The following ATF6 variants were observed in gnomAD, a reference collection of about 807,000 sequenced individuals.
ATF6 encodes the protein cyclic AMP-dependent transcription factor ATF-6 alpha.
A neutral mutation model predicts 83.6 loss-of-function variants in ATF6; 53 were observed. That is an observed-to-expected ratio of 0.63 (90% CI 0.51 to 0.80). ATF6 has a LOEUF of 0.80. Ranked by LOEUF, ATF6 falls within the 30% of genes least tolerant of loss-of-function variation. The pLI, the probability that ATF6 is intolerant of heterozygous loss-of-function variation, is 0.00. For synonymous variants in ATF6, 288 were observed against 285.8 expected (o/e 1.01, Z -0.08); for missense variants, 744 against 797.9 (o/e 0.93, Z 0.81).
chr1:161,790,141 G>A (rs1055089302), intron 4 of ATF6, among the ~76,000 whole-genome samples: 1 of 151,684 alleles, frequency 6.6e-6, no homozygotes, highest in Admixed American at 6.6e-5. Context: ...TTTTAACTTT[G>A]TTTATGGTCT....
rs370780754 is a variant in ATF6, at chr1:161,781,861, A to G, written c.160-51A>G. On this transcript the variant is annotated intron_variant, in intron 2 of 15. Coordinates refer to ENST00000367942, the MANE Select transcript of ATF6 (RefSeq NM_007348.4). Reference sequence around the variant, plus strand: ...TTGTGTCTCACAGTTTGATTTTAAGATGTGTATGTTTTATTCTTTTAATAT... The same window carrying G: ...TTGTGTCTCACAGTTTGATTTTAAGGTGTGTATGTTTTATTCTTTTAATAT... The G allele has an allele frequency of 3.1e-5, 38 of 1,220,322 alleles. No individual in the cohort carries two copies. In the African/African-American group the frequency reaches 5.1e-4, roughly 16 times the overall value. The allele number at this position is 1,220,322 out of a possible 1,614,324, so 75.6% of individuals were successfully genotyped here.
chr1:161,918,868 C>T (rs1022777394), intron 15 of ATF6, among the ~76,000 whole-genome samples: 2 of 152,102 alleles, frequency 1.3e-5, no homozygotes, highest in African/African-American at 4.8e-5. Flanking sequence ...ATGTAATATG[C>T]TGGATGGGGA....
At chr1:161,841,724 A>T (rs118084287) in intron 9 of ATF6, among the ~76,000 whole-genome samples, 1 of 152,154 alleles carries the variant, frequency 6.6e-6, no homozygotes, top group Non-Finnish European at 1.5e-5. Flanking sequence ...AAAAAAGGCT[A>T]AAAGTTACTG....
At chr1:161,772,963 GTTT>G (rs34459711) in intron 1 of ATF6, among the ~76,000 whole-genome samples, 2 of 73,522 alleles carry the variant, frequency 2.7e-5, no homozygotes, top group Non-Finnish European at 2.6e-5. Context: ...TGAAACTCCT[GTTT>G]TTTTTTTTTT....
chr1:161,863,860 T>C (rs956006336), intron 14 of ATF6, among the ~76,000 whole-genome samples: 1 of 152,238 alleles, frequency 6.6e-6, no homozygotes, highest in Non-Finnish European at 1.5e-5. Context: ...AGTAAATGTT[T>C]ATACTAGCAC....
rs761462420 is a variant in ATF6, at chr1:161,807,865, C to CTTTTTTTTTTTTTTTTTTTT, written c.909+5606_909+5625dup. Among the ~76,000 whole-genome samples the CTTTTTTTTTTTTTTTTTTTT allele has an allele frequency of 4.6e-4, 15 of 32,342 alleles. 2 individuals carry two copies. The highest frequency in any genetic ancestry group is 1.2e-3 in the East Asian group (1 of 852). 21.2% of individuals were successfully genotyped at this position (32,342 alleles called of 152,430 possible). Reference sequence around the variant, plus strand: ...CTTTTTGTACTTTTTAGTTTGTCATCTTTTTTTTTTTTTTTTTTTTTTTTT... The same window carrying CTTTTTTTTTTTTTTTTTTTT: ...CTTTTTGTACTTTTTAGTTTGTCATCTTTTTTTTTTTTTTTTTTTTTTTTTTTTTTTTTTTTTTTTTTTTT... On this transcript the variant is annotated intron_variant, in intron 7 of 15. Coordinates refer to ENST00000367942, the MANE Select transcript of ATF6 (RefSeq NM_007348.4).
At chr1:161,775,016 T>C (rs1181365958) in intron 1 of ATF6, among the ~76,000 whole-genome samples, 6 of 152,092 alleles carry the variant, frequency 3.9e-5, no homozygotes, top group Non-Finnish European at 8.8e-5. Flanking sequence ...GCAGGGAAAG[T>C]GCAAAATAAG....
chr1:161,929,150 T>C (rs577009433), intron 15 of ATF6, among the ~76,000 whole-genome samples: 20 of 152,216 alleles, frequency 1.3e-4, no homozygotes, highest in Non-Finnish European at 2.8e-4. Context: ...AGAACATTTG[T>C]TAGCTACTTT....
chr1:161,824,457 C>G (rs1476637203), intron 9 of ATF6, among the ~76,000 whole-genome samples: 1 of 151,240 alleles, frequency 6.6e-6, no homozygotes, highest in African/African-American at 2.4e-5. Flanking sequence ...AAATGTCTAT[C>G]CCAGCTCCTG....
At chr1:161,771,039 T>C (rs1342968979) in intron 1 of ATF6, among the ~76,000 whole-genome samples, 1 of 152,212 alleles carries the variant, frequency 6.6e-6, no homozygotes, top group Non-Finnish European at 1.5e-5. Flanking sequence ...AATAGGTGTG[T>C]AGTGGTATGT....
In ATF6 at chr1:161,863,250, CA is replaced by C; in HGVS notation, c.1659del (p.Asp554ThrfsTer45). 1.2e-6 allele frequency: 2 copies of C among 1,613,296 alleles called. No homozygotes were observed. The highest frequency in any genetic ancestry group is 1.7e-6 in the Non-Finnish European group (2 of 1,179,420). On this transcript the variant is annotated frameshift_variant, in exon 14 of 16. Transcript: ENST00000367942. LOFTEE classifies it high-confidence loss of function. ...GTATTATGCTTCACCCAGAAGTTATCAAGACTTTTTTGAAGCCATCCGCAGA... is the reference window on the plus strand; with the variant it reads ...GTATTATGCTTCACCCAGAAGTTATCAGACTTTTTTGAAGCCATCCGCAGA... Reference protein sequence around the residue: ...QVYYASPRSYQDFFEAIRRRG... With the variant: ...QVYYASPRSYXDFFEAIRRRG...
intron 9 of ATF6, among the ~76,000 whole-genome samples, chr1:161,826,903 T>C (rs1322095311): frequency 6.6e-6 from 1 of 151,420 alleles, no homozygotes; most frequent in African/African-American, 2.4e-5. Context: ...TCATTTGTGT[T>C]ATTCAAAAGA....
At chr1:161,850,490 T>C (rs1686594838) in intron 10 of ATF6, among the ~76,000 whole-genome samples, 1 of 152,174 alleles carries the variant, frequency 6.6e-6, no homozygotes, top group Non-Finnish European at 1.5e-5. Flanking sequence ...TACCATTGCT[T>C]TTCCATTTCA....
chr1:161,831,236 C>T (rs1181701391), intron 9 of ATF6, among the ~76,000 whole-genome samples: 1 of 152,184 alleles, frequency 6.6e-6, no homozygotes, highest in Non-Finnish European at 1.5e-5. Flanking sequence ...AAATCAAAAC[C>T]ACAATGAGAT....
In ATF6 at chr1:161,797,779, A is replaced by G. The variant is rs778524232; in HGVS notation, c.689-4273A>G. Among the ~76,000 whole-genome samples, 14 of 152,220 alleles carry G rather than the reference A, an allele frequency of 9.2e-5. 1 individual carries two copies. Among genetic ancestry groups the G allele is most frequent in the Non-Finnish European group, 1.9e-4 (13 of 68,038 alleles). ...TTACAGATTTAATGCTATTCCTATC[A>G]AACTATCAATGACATTTTTCACACA... On this transcript the variant is annotated intron_variant, in intron 6 of 15. Transcript: ENST00000367942.
intron 2 of ATF6, 107 bp from the exon 3 acceptor site, chr1:161,781,805 G>T: frequency 1.5e-6 from 1 of 646,060 alleles, no homozygotes; most frequent in Non-Finnish European, 2.7e-6. Context: ...TTACTAGGTT[G>T]GCTAATAGCA....
At chr1:161,863,171 T>C in intron 13 of ATF6, 27 bp from the exon 14 acceptor site, 1 of 1,357,814 alleles carries the variant, frequency 7.4e-7, no homozygotes, top group Non-Finnish European at 1.0e-6. Context: ...TTTATTTTAG[T>C]AATACCTTAT....
chr1:161,937,146 C>T (rs953066187), intron 15 of ATF6, among the ~76,000 whole-genome samples: 2 of 151,876 alleles, frequency 1.3e-5, no homozygotes, highest in African/African-American at 4.8e-5. Flanking sequence ...CTAGAATGAA[C>T]CTGTTAAGAC....
At chr1:161,932,218 C>G (rs1221312707) in intron 15 of ATF6, among the ~76,000 whole-genome samples, 1 of 151,948 alleles carries the variant, frequency 6.6e-6, no homozygotes, top group East Asian at 1.9e-4. Flanking sequence ...TTTTTTTGAC[C>G]AACTTTCACA....
Sources: allele counts gnomAD v4.1 joint callset (sites outside exome capture counted in the v4.1 genomes callset), GRCh38; gene constraint gnomAD v4.1.1; transcripts MANE v1.5; gene names NCBI Gene and HGNC (gene_info 2026-07-23, HGNC 2026-07-21).